Variants in PRICKLE1 observed in about 807,000 individuals in gnomAD.
PRICKLE1 encodes the protein prickle planar cell polarity protein 1.
PRICKLE1 carries 14 observed loss-of-function variants against 70.2 expected under a neutral mutation model. The observed-to-expected ratio is 0.20, with a 90% CI of 0.13 to 0.31. The LOEUF (loss-of-function observed/expected upper bound fraction) is 0.31. PRICKLE1 is among the 10% of genes least tolerant of loss of function. The pLI is 1.00. For missense variants in PRICKLE1, 821 were observed against 1,026.2 expected, an observed-to-expected ratio of 0.80 and a Z score of 2.73; for synonymous variants, 357 against 379.9, an observed-to-expected ratio of 0.94 and a Z score of 0.70.
At chr12:42,580,282 GA>G (rs1940876914) in intron 1 of PRICKLE1, among the ~76,000 whole-genome samples, 1 of 152,184 alleles carries the variant, frequency 6.6e-6, no homozygotes, top group Admixed American at 6.5e-5. Context: ...CTCAAAAAGT[GA>G]GGAAACATAG....
At chr12:42,584,310 A>G (rs751916134) in intron 1 of PRICKLE1, 7 of 152,224 alleles carry the variant, frequency 4.6e-5, no homozygotes, top group Non-Finnish European at 5.9e-5. Context: ...CTATATTGCT[A>G]TGTCCCTAAA....
intron 1 of PRICKLE1, among the ~76,000 whole-genome samples, chr12:42,568,892 T>C (rs554385744): frequency 6.6e-6 from 1 of 152,156 alleles, no homozygotes; most frequent in Admixed American, 6.5e-5. Context: ...TGTTTTTTGA[T>C]AGAAAAATGA....
chr12:42,477,407 A>C (rs1164564436), intron 1 of PRICKLE1, among the ~76,000 whole-genome samples: 2 of 147,924 alleles, frequency 1.4e-5, no homozygotes, highest in African/African-American at 5.0e-5. Flanking sequence ...ATATATACAC[A>C]TATTATATAT....
At chr12:42,465,293 T>G (rs770738244) in intron 6 of PRICKLE1, 35 bp from the exon 7 acceptor site, 12 of 1,609,508 alleles carry the variant, frequency 7.5e-6, no homozygotes, top group Non-Finnish European at 9.4e-6. Flanking sequence ...TAACAGGTTA[T>G]GGTTTAATGC....
intron 6 of PRICKLE1, 54 bp downstream of exon 6, chr12:42,466,140 C>T (rs547637745): frequency 6.3e-7 from 1 of 1,584,214 alleles, no homozygotes; most frequent in East Asian, 2.2e-5. Flanking sequence ...ACTGGATAAT[C>T]CAAGACAGAC....
rs760931731 is a variant in PRICKLE1 at position 42,464,678 on chromosome 12, C to T, written c.1356G>A (p.Lys452=). ...HWISDNMVKS[K]TELKQNNQSL... ...TCTGGTTATTTTGCTTTAACTCGGT[C>T]TTACTTTTAACCATGTTATCAGATA... Residue 452 remains lysine (K), a synonymous_variant, in exon 7 of 8, where the codon AAG becomes AAA. Coordinates refer to ENST00000345127, the MANE Select transcript of PRICKLE1 (RefSeq NM_153026.3). This position sits in a 1 kb window ranked among gnomAD's most constrained non-coding sequence, Gnocchi z 4.2. 3 of 1,614,082 alleles carry T rather than the reference C, an allele frequency of 1.9e-6. No individual in the cohort carries two copies. Among genetic ancestry groups the T allele is most frequent in the Non-Finnish European group, 2.5e-6 (3 of 1,180,012 alleles).
At chr12:42,493,899 G>A (rs1399873724) in intron 1 of PRICKLE1, among the ~76,000 whole-genome samples, 7 of 150,774 alleles carry the variant, frequency 4.6e-5, no homozygotes, top group Non-Finnish European at 1.0e-4. Context: ...GAGAACGAAA[G>A]AAAGAAAAAA....
chr12:42,558,345 G>A (rs1025188986), intron 1 of PRICKLE1, among the ~76,000 whole-genome samples: 1 of 152,120 alleles, frequency 6.6e-6, no homozygotes, highest in African/African-American at 2.4e-5. Flanking sequence ...GGTGTAAAAG[G>A]GAGGCAACAA....
intron 1 of PRICKLE1, among the ~76,000 whole-genome samples, chr12:42,501,327 AC>A (rs1249868062): frequency 6.6e-6 from 1 of 151,784 alleles, no homozygotes; most frequent in Non-Finnish European, 1.5e-5. Flanking sequence ...ACATGGTGAA[AC>A]CCCATGTTTT....
rs758126980 is a variant in PRICKLE1 at position 42,464,471 on chromosome 12, C to T, written c.1563G>A (p.Leu521=). 1.1e-5 allele frequency: 18 copies of T among 1,614,034 alleles called. No homozygotes were observed. Among genetic ancestry groups the T allele is most frequent in the Non-Finnish European group, 1.4e-5 (17 of 1,180,014 alleles). ...CTGGTTTCAGGTCTGACAGACACTC[C>T]AGGGAATCTTCATACCACTGTGTTT... ...HDETQWYEDS[L]ECLSDLKPEQ... The change falls in exon 7 of 8, where the codon CTG becomes CTA. Residue 521 remains leucine (L), a synonymous_variant. Coordinates refer to ENST00000345127, the MANE Select transcript of PRICKLE1 (RefSeq NM_153026.3). This position sits in a 1 kb window ranked among gnomAD's most constrained non-coding sequence, Gnocchi z 4.2.
chr12:42,581,142 CCTA>C (rs1940891942), intron 1 of PRICKLE1, among the ~76,000 whole-genome samples: 2 of 152,222 alleles, frequency 1.3e-5, no homozygotes, highest in East Asian at 3.9e-4. Flanking sequence ...GCACTGAAAA[CCTA>C]CTGCATTAAA....
chr12:42,550,854 C>T lies in PRICKLE1; in HGVS notation c.-49+38611G>A, dbSNP rs200687516. Among the ~76,000 whole-genome samples the T allele has an allele frequency of 9.2e-5, 14 of 152,274 alleles. No homozygotes were observed. In the South Asian group the frequency reaches 2.1e-3, roughly 23 times the overall value. Reference sequence around the variant, plus strand: ...AGAGAGTTTCTCCTTTTTGGCATACCTTGACTAACAGGGTGACACACAGAT... The same window carrying T: ...AGAGAGTTTCTCCTTTTTGGCATACTTTGACTAACAGGGTGACACACAGAT... On this transcript the variant is annotated intron_variant, in intron 1 of 7. Coordinates refer to ENST00000345127, the MANE Select transcript of PRICKLE1 (RefSeq NM_153026.3).
At chr12:42,584,940 T>C (rs1284658107) in intron 1 of PRICKLE1, among the ~76,000 whole-genome samples, 2 of 151,986 alleles carry the variant, frequency 1.3e-5, no homozygotes, top group African/African-American at 4.8e-5. Flanking sequence ...AAGCAGAAGC[T>C]GGTGGGTGCT....
At chr12:42,461,447 C>T (rs559066614) in intron 7 of PRICKLE1, among the ~76,000 whole-genome samples, 2 of 152,268 alleles carry the variant, frequency 1.3e-5, no homozygotes, top group East Asian at 3.9e-4. Context: ...AGCTCAACAG[C>T]TTGTTTGTGT....
At chr12:42,527,971 ATC>A (rs756532328) in intron 1 of PRICKLE1, among the ~76,000 whole-genome samples, 232 of 7,812 alleles carry the variant, frequency 0.03, 15 homozygotes, top group African/African-American at 0.059. Context: ...ATATATATAT[ATC>A]TCCAAAGTTT....
chr12:42,529,936 CCTTT>C (rs1939879179), intron 1 of PRICKLE1, among the ~76,000 whole-genome samples: 7 of 45,376 alleles, frequency 1.5e-4, no homozygotes, highest in African/African-American at 3.2e-4. Flanking sequence ...TTCCTTCCTT[CCTTT>C]CTTCCTTCCT....
chr12:42,462,345 C>A (rs964568982), intron 7 of PRICKLE1, among the ~76,000 whole-genome samples: 2 of 152,004 alleles, frequency 1.3e-5, no homozygotes, highest in African/African-American at 4.8e-5. Context: ...AAATTACAGG[C>A]ACATGCCACC....
chr12:42,527,128 C>CTTTTTT (rs386376309), intron 1 of PRICKLE1, among the ~76,000 whole-genome samples: 7 of 100,774 alleles, frequency 6.9e-5, no homozygotes, highest in African/African-American at 8.0e-5. Flanking sequence ...TTTTTTTCCT[C>CTTTTTT]TTTTTTTTTT....
intron 1 of PRICKLE1, among the ~76,000 whole-genome samples, chr12:42,563,702 CAAAAAAA>C (rs11367725): frequency 8.6e-5 from 4 of 46,512 alleles, no homozygotes; most frequent in East Asian, 1.0e-3. Flanking sequence ...GACTCTGTCT[CAAAAAAA>C]AAAAAAAAAA....
Sources: gnomAD v4.1 joint callset for allele counts (sites outside exome capture counted in the v4.1 genomes callset) on GRCh38, gnomAD v4.1.1 for gene constraint, Gnocchi (gnomAD v3.1) non-coding constraint, MANE v1.5 for transcripts, NCBI Gene and HGNC (gene_info 2026-07-23, HGNC 2026-07-21) for gene names.